MKLN1: variants seen among roughly 807,000 people sequenced by gnomAD.
MKLN1 encodes muskelin.
In MKLN1, 18 loss-of-function variants were observed where a neutral mutation model predicts 99.0. The ratio of observed to expected loss-of-function variants is 0.18; its 90% confidence interval spans 0.13 to 0.27. The LOEUF (loss-of-function observed/expected upper bound fraction) is 0.27. Among genes scored for constraint, MKLN1 ranks in the 10% least tolerant of loss-of-function variants. MKLN1 has a pLI of 1.00. For missense variants in MKLN1, 621 were observed against 875.9 expected, an observed-to-expected ratio of 0.71 and a Z score of 3.67; for synonymous variants, 288 against 293.2, an observed-to-expected ratio of 0.98 and a Z score of 0.18.
chr7:131,328,094 G>T lies in MKLN1; in HGVS notation c.98+97G>T, dbSNP rs190828303. On this transcript the variant is annotated intron_variant, in intron 1 of 17. Transcript: ENST00000352689. Reference sequence around the variant, plus strand: ...GAGGGCAGCCGAGCCGAGAGGCCCAGGCGGGGCCTGCTGAGGGGGACGTGC... The same window carrying T: ...GAGGGCAGCCGAGCCGAGAGGCCCATGCGGGGCCTGCTGAGGGGGACGTGC... The T allele has an allele frequency of 6.2e-4, 905 of 1,455,872 alleles. 4 individuals are homozygous for T. In the African/African-American group the frequency reaches 0.012, roughly 19 times the overall value. The allele number at this position is 1,455,872 out of a possible 1,614,324, so 90.2% of individuals were successfully genotyped here. A position where few individuals can be genotyped will look rare whatever the true frequency, so the allele number is the denominator to read the frequency against.
At chr7:131,400,914 C>T (rs937460709) in intron 6 of MKLN1, among the ~76,000 whole-genome samples, 10 of 152,126 alleles carry the variant, frequency 6.6e-5, no homozygotes, top group African/African-American at 2.2e-4. Flanking sequence ...ACTGTGAATA[C>T]TATGGGCTTT....
At chr7:131,122,736 T>C (rs1427086504) in intron 1 of MKLN1, among the ~76,000 whole-genome samples, 1 of 152,106 alleles carries the variant, frequency 6.6e-6, no homozygotes, top group African/African-American at 2.4e-5. Context: ...AAAGTGTTGC[T>C]GCGGGCCGGG....
intron 3 of MKLN1, among the ~76,000 whole-genome samples, chr7:131,250,334 A>G (rs1378275809): frequency 6.6e-6 from 1 of 152,170 alleles, no homozygotes; most frequent in East Asian, 1.9e-4. Flanking sequence ...AGGTCAAGGC[A>G]ACTCAGTGGA....
At chr7:131,444,730 TA>T (rs1795946082) in intron 11 of MKLN1, among the ~76,000 whole-genome samples, 1 of 35,422 alleles carries the variant, frequency 2.8e-5, no homozygotes. Context: ...GTAGTAGTAG[TA>T]GTAGTAGTAG....
intron 3 of MKLN1, among the ~76,000 whole-genome samples, chr7:131,222,457 C>T (rs73151599): frequency 0.036 from 5,413 of 152,266 alleles, 118 homozygotes; most frequent in Middle Eastern, 0.054. Flanking sequence ...CACCATGCTG[C>T]CACTCTGGTT....
intron 2 of MKLN1, among the ~76,000 whole-genome samples, chr7:131,380,157 C>T (rs879539963): frequency 7.2e-5 from 11 of 152,086 alleles, no homozygotes; most frequent in Non-Finnish European, 1.0e-4. Flanking sequence ...CATATCATCC[C>T]GGTACTTGAA....
At chr7:131,400,509 T>TAAA (rs779312882) in intron 6 of MKLN1, among the ~76,000 whole-genome samples, 10 of 133,148 alleles carry the variant, frequency 7.5e-5, no homozygotes, top group South Asian at 7.0e-4. Flanking sequence ...ATGCTACCAA[T>TAAA]AAAAAAAAAA....
chr7:131,352,809 T>G (rs867491706), intron 1 of MKLN1, among the ~76,000 whole-genome samples: 5 of 152,192 alleles, frequency 3.3e-5, no homozygotes, highest in Non-Finnish European at 5.9e-5. Context: ...TTTGTTTTAG[T>G]TTATTTTCAG....
intron 3 of MKLN1, among the ~76,000 whole-genome samples, chr7:131,319,365 C>T (rs997832596): frequency 6.6e-6 from 1 of 152,126 alleles, no homozygotes; most frequent in Admixed American, 6.5e-5. Context: ...TCAATAGATA[C>T]AGAAAAGGCC....
intron 3 of MKLN1, among the ~76,000 whole-genome samples, chr7:131,262,432 G>A (rs577110932): frequency 5.3e-5 from 8 of 152,046 alleles, no homozygotes; most frequent in South Asian, 2.1e-4. Flanking sequence ...GCGAGACTCC[G>A]TCTCAAAAAT....
rs141933022 is a variant in MKLN1, at chr7:131,396,264, A to T, written c.401-1003A>T. 1.1e-4 allele frequency among the ~76,000 whole-genome samples: 17 copies of T among 152,050 alleles called. 1 individual carries two copies. The East Asian group carries it at 2.1e-3, about 19-fold the overall frequency. ...TTTTTTCTATTTTTAGTGGAGACAGAGTTTCACTGTGTTTGCCAGGCTGGT... is the reference window on the plus strand; with the variant it reads ...TTTTTTCTATTTTTAGTGGAGACAGTGTTTCACTGTGTTTGCCAGGCTGGT... On this transcript the variant is annotated intron_variant, in intron 4 of 17. Coordinates refer to ENST00000352689, the MANE Select transcript of MKLN1 (RefSeq NM_013255.5).
chr7:131,305,602 C>T (rs566990748), intron 3 of MKLN1, among the ~76,000 whole-genome samples: 2 of 152,236 alleles, frequency 1.3e-5, no homozygotes, highest in African/African-American at 4.8e-5. Context: ...TAAGTATTAC[C>T]TTCTTAGAGA....
intron 3 of MKLN1, among the ~76,000 whole-genome samples, chr7:131,213,047 A>T (rs539803796): frequency 2.6e-5 from 4 of 152,056 alleles, no homozygotes; most frequent in African/African-American, 7.2e-5. Context: ...AATCACATTC[A>T]TTTCTCTATT....
intron 3 of MKLN1, among the ~76,000 whole-genome samples, chr7:131,300,243 A>G (rs1363669098): frequency 6.6e-6 from 1 of 152,006 alleles, no homozygotes; most frequent in Non-Finnish European, 1.5e-5. Context: ...TAGGTGCAAT[A>G]AGAATGACAA....
intron 3 of MKLN1, among the ~76,000 whole-genome samples, chr7:131,209,853 A>G (rs1584836157): frequency 1.3e-5 from 2 of 152,176 alleles, no homozygotes; most frequent in African/African-American, 2.4e-5. Context: ...CCGGAATACC[A>G]TCGCAATAGT....
Position 131,488,218 on chromosome 7 carries a change from C to T in MKLN1, c.*490C>T, listed in dbSNP as rs1057475377. 1.3e-5 allele frequency: 2 copies of T among 152,034 alleles called. No homozygotes were observed. Among genetic ancestry groups the T allele is most frequent in the African/African-American group, 4.8e-5 (2 of 41,396 alleles). 9.4% of individuals were successfully genotyped at this position (152,034 alleles called of 1,614,324 possible). Reference sequence around the variant, plus strand: ...GCGTGTAAATGGTGTCACTTGTTCACCTCTTTACTTCATTCTTAACAAGTG... The same window carrying T: ...GCGTGTAAATGGTGTCACTTGTTCATCTCTTTACTTCATTCTTAACAAGTG... On this transcript the variant is annotated 3_prime_UTR_variant, in exon 18 of 18. Coordinates refer to ENST00000352689, the MANE Select transcript of MKLN1 (RefSeq NM_013255.5).
intron 3 of MKLN1, among the ~76,000 whole-genome samples, chr7:131,269,071 T>A (rs1173832193): frequency 6.6e-6 from 1 of 152,208 alleles, no homozygotes; most frequent in Non-Finnish European, 1.5e-5. Context: ...GCTCTTCTCA[T>A]CAGATGGTTC....
chr7:131,148,639 G>T (rs527402031), intron 2 of MKLN1, among the ~76,000 whole-genome samples: 7 of 152,042 alleles, frequency 4.6e-5, no homozygotes, highest in Admixed American at 6.6e-5. Flanking sequence ...CAGGCGTGGT[G>T]GTGCACAGCT....
At chr7:131,465,542 A>C (rs1306634865) in intron 14 of MKLN1, among the ~76,000 whole-genome samples, 3 of 152,042 alleles carry the variant, frequency 2.0e-5, no homozygotes, top group Non-Finnish European at 4.4e-5. Context: ...AAGATGTTAA[A>C]ATTTTTTTTT....
Sources: gnomAD v4.1 joint callset for allele counts (sites outside exome capture counted in the v4.1 genomes callset) on GRCh38, gnomAD v4.1.1 for gene constraint, MANE v1.5 for transcripts, NCBI Gene and HGNC (gene_info 2026-07-23, HGNC 2026-07-21) for gene names.